PCDHGB3: variants seen among roughly 807,000 people sequenced by gnomAD.
The protein encoded by PCDHGB3 is protocadherin gamma subfamily B, 3.
In PCDHGB3, 40 loss-of-function variants were observed where a neutral mutation model predicts 59.2. The ratio of observed to expected loss-of-function variants is 0.68; its 90% confidence interval spans 0.52 to 0.88. PCDHGB3 has a LOEUF of 0.88. Ranked by LOEUF, PCDHGB3 falls within the 40% of genes least tolerant of loss-of-function variation. The pLI is 0.00. For missense variants in PCDHGB3, 1,309 were observed against 1,187.9 expected, an observed-to-expected ratio of 1.10 and a Z score of -1.50; for synonymous variants, 581 against 503.6, an observed-to-expected ratio of 1.15 and a Z score of -2.06.
intron 3 of PCDHGB3, among the ~76,000 whole-genome samples, chr5:141,507,590 T>C (rs531629336): frequency 1.3e-5 from 2 of 152,374 alleles, no homozygotes; most frequent in African/African-American, 4.8e-5. Context: ...AGTTGGCCTC[T>C]TGAGGGAAAT....
At chr5:141,376,200 C>A (rs1220789915) in intron 1 of PCDHGB3, 2 of 1,614,086 alleles carry the variant, frequency 1.2e-6, no homozygotes, top group Non-Finnish European at 1.7e-6. Context: ...GTCTTCCTGG[C>A]CTTCGTCATC....
At chr5:141,417,832 G>C in intron 1 of PCDHGB3, 1 of 1,528,846 alleles carries the variant, frequency 6.5e-7, no homozygotes. Flanking sequence ...CTGGAAAAGC[G>C]GGGACCCAGC....
chr5:141,444,194 G>A (rs1209269773), intron 1 of PCDHGB3, among the ~76,000 whole-genome samples: 1 of 67,352 alleles, frequency 1.5e-5, no homozygotes, highest in Non-Finnish European at 2.7e-5. Flanking sequence ...TTTTTGAGAT[G>A]GAGTTTCACT....
At chr5:141,422,606 C>T in intron 1 of PCDHGB3, 1 of 1,613,904 alleles carries the variant, frequency 6.2e-7, no homozygotes, top group Non-Finnish European at 8.5e-7. Flanking sequence ...TCTTACTCTG[C>T]CTACATTCCC....
Position 141,477,649 on chromosome 5 carries a change from A to G in PCDHGB3, c.2416-17158A>G, listed in dbSNP as rs2099415032. 3.7e-6 allele frequency: 6 copies of G among 1,614,076 alleles called. No individual in the cohort carries two copies. Among genetic ancestry groups the G allele is most frequent in the Non-Finnish European group, 5.1e-6 (6 of 1,180,048 alleles). ...CCGGGCTAGTGGGTCGCTATTTCAC[A>G]ATAAATCGTGACAATGGCATAGTGT... On this transcript the variant is annotated intron_variant, in intron 1 of 3. Transcript: ENST00000576222. The surrounding 1 kb of genome is among the most constrained non-coding windows in gnomAD (Gnocchi z 4.9).
rs70988800 is a variant in PCDHGB3 at position 141,379,889 on chromosome 5, C to CTTTTTTTTTTTTTTTTT, written c.2415+7094_2415+7110dup. On this transcript the variant is annotated intron_variant, in intron 1 of 3. Transcript: ENST00000576222. ...CTTATTTTATGGTCTGTGAAAGCCT[C>CTTTTTTTTTTTTTTTTT]TTTTTTTTTTTTTTTTTTTTTTTTT... Among the ~76,000 whole-genome samples the CTTTTTTTTTTTTTTTTT allele has an allele frequency of 3.2e-3, 165 of 50,828 alleles. 28 individuals carry two copies. Among genetic ancestry groups the CTTTTTTTTTTTTTTTTT allele is most frequent in the Non-Finnish European group, 4.5e-3 (116 of 25,882 alleles). The allele number at this position is 50,828 out of a possible 152,430, so 33.3% of individuals were successfully genotyped here. A position where few individuals can be genotyped will look rare whatever the true frequency, so the allele number is the denominator to read the frequency against.
rs1206130340 is a variant in PCDHGB3, at chr5:141,473,814, G to A, written c.2416-20993G>A. On this transcript the variant is annotated intron_variant, in intron 1 of 3. Coordinates refer to ENST00000576222, the MANE Select transcript of PCDHGB3 (RefSeq NM_018924.5). ...GTATGATGCTACTGAGGAGCAGCTG[G>A]ACAATTGTGTGATCCAATTAAAATT... Among the ~76,000 whole-genome samples, 5 of 152,188 alleles carry A rather than the reference G, an allele frequency of 3.3e-5. No individual in the cohort carries two copies. The East Asian group carries it at 9.6e-4, about 29-fold the overall frequency.
intron 3 of PCDHGB3, 162 bp downstream of exon 3, chr5:141,505,643 T>C: frequency 1.0e-6 from 1 of 967,852 alleles, no homozygotes. Context: ...AAGCCTGGAA[T>C]TGTGGCTAAG....
intron 2 of PCDHGB3, among the ~76,000 whole-genome samples, chr5:141,497,706 A>G (rs2099778850): frequency 6.6e-6 from 1 of 151,956 alleles, no homozygotes; most frequent in Middle Eastern, 3.2e-3. Flanking sequence ...CACCCAGCTC[A>G]TTTTTGTATT....
At chr5:141,422,044 G>A (rs780284162) in intron 1 of PCDHGB3, 1 of 1,611,530 alleles carries the variant, frequency 6.2e-7, no homozygotes, top group Non-Finnish European at 8.5e-7. Flanking sequence ...TCCAGACGAG[G>A]GAATCAACGG....
Position 141,491,883 on chromosome 5 carries a change from G to T in PCDHGB3, c.2416-2924G>T. On this transcript the variant is annotated intron_variant, in intron 1 of 3. Transcript: ENST00000576222. The surrounding 1 kb of genome is among the most constrained non-coding windows in gnomAD (Gnocchi z 6.9). The stretch of plus-strand genomic sequence containing the variant: ...AAACCAGAGTGGCCGATTAAGGGAT[G>T]GGGCTCCGAGCACCGGGGGTGGTGG... 1 of 1,446,756 alleles carries T rather than the reference G, an allele frequency of 6.9e-7. No individual in the cohort carries two copies. Among genetic ancestry groups the T allele is most frequent in the South Asian group, 1.5e-5 (1 of 67,644 alleles). 89.6% of individuals were successfully genotyped at this position (1,446,756 alleles called of 1,614,324 possible). A position where few individuals can be genotyped will look rare whatever the true frequency, so the allele number is the denominator to read the frequency against.
chr5:141,374,030 T>G, intron 1 of PCDHGB3: 1 of 1,430,454 alleles, frequency 7.0e-7, no homozygotes. Context: ...GCAAAAGTGA[T>G]GCAGATCTGT....
chr5:141,445,115 A>G (rs1038787011), intron 1 of PCDHGB3, among the ~76,000 whole-genome samples: 1 of 152,308 alleles, frequency 6.6e-6, no homozygotes, highest in East Asian at 1.9e-4. Flanking sequence ...GTTATTGTAA[A>G]TAGTATTTTT....
intron 1 of PCDHGB3, chr5:141,390,100 C>G: frequency 6.2e-7 from 1 of 1,614,060 alleles, no homozygotes; most frequent in South Asian, 1.1e-5. Context: ...GTGGTTCCCC[C>G]CAACTACAGC....
intron 1 of PCDHGB3, among the ~76,000 whole-genome samples, chr5:141,424,944 A>G (rs958272371): frequency 2.6e-5 from 4 of 152,108 alleles, no homozygotes; most frequent in African/African-American, 9.7e-5. Context: ...CTCTCACATC[A>G]CTTCTAGGTA....
rs749121255 is a variant in PCDHGB3 at position 141,415,427 on chromosome 5, G to A, written c.2415+42618G>A. 3.1e-6 allele frequency: 5 copies of A among 1,614,050 alleles called. No homozygotes were observed. Among genetic ancestry groups the A allele is most frequent in the African/African-American group, 1.3e-5 (1 of 74,926 alleles). ...CACTTTGTGGGCGTGGACGGGGTTC[G>A]GGCTTTCCTGCAGACCTATTCCCAC... is the stretch of plus-strand genomic sequence containing the variant. On this transcript the variant is annotated intron_variant, in intron 1 of 3. Transcript: ENST00000576222.
At position 141,494,838 on chromosome 5, in the gene PCDHGB3, C is replaced by T; in HGVS notation, c.2447C>T (p.Ser816Phe). 4.3e-6 allele frequency: 7 copies of T among 1,614,166 alleles called. No homozygotes were observed. Among genetic ancestry groups the T allele is most frequent in the Non-Finnish European group, 3.4e-6 (4 of 1,180,032 alleles). Residue 816 changes from serine (S) to phenylalanine (F), a missense_variant, in exon 2 of 4, where the codon TCT becomes TTT. By Grantham distance (155) the Ser-to-Phe change is radical. Transcript: ENST00000576222. ...CCGCCCAACACGGACTGGCGTTTCT[C>T]TCAGGCCCAGAGACCCGGCACCAGC... ...QAPPNTDWRF[S>F]QAQRPGTSGS...
chr5:141,372,101 C>G lies in PCDHGB3; in HGVS notation c.1707C>G (p.Pro569=), dbSNP rs984585015. Residue 569 remains proline, a synonymous_variant, in exon 1 of 4, where the codon CCC becomes CCG. Transcript: ENST00000576222. ...APLVLYPALG[P]EGSALFDMVP... Reference sequence around the variant, plus strand: ...TGGTGCTGTACCCAGCTCTGGGGCCCGAAGGCTCTGCGCTCTTCGATATGG... The same window carrying G: ...TGGTGCTGTACCCAGCTCTGGGGCCGGAAGGCTCTGCGCTCTTCGATATGG... 15 of 1,613,794 alleles carry G rather than the reference C, an allele frequency of 9.3e-6. No individual in the cohort carries two copies. The highest frequency in any genetic ancestry group is 1.3e-5 in the Non-Finnish European group (15 of 1,179,932).
rs771647688 is a variant in PCDHGB3 at position 141,399,795 on chromosome 5, G to A, written c.2415+26986G>A. 10 of 1,613,202 alleles carry A rather than the reference G, an allele frequency of 6.2e-6. No individual in the cohort carries two copies. In the South Asian group the frequency reaches 8.8e-5, roughly 14 times the overall value. On this transcript the variant is annotated intron_variant, in intron 1 of 3. Transcript: ENST00000576222. ...TGGGCGACCGAAACGACAACGCACC[G>A]CGGGTGCTGTACCCCGCGCTGGGTC...
Sources: gnomAD v4.1 joint callset for allele counts (sites outside exome capture counted in the v4.1 genomes callset) on GRCh38, gnomAD v4.1.1 for gene constraint, Gnocchi (gnomAD v3.1) non-coding constraint, MANE v1.5 for transcripts, NCBI Gene and HGNC (gene_info 2026-07-23, HGNC 2026-07-21) for gene names.